Variants in KANSL1 observed in about 807,000 individuals in gnomAD.
KANSL1 encodes the protein KAT8 regulatory NSL complex subunit 1, also known as MLL1/MLL complex subunit KANSL1.
A neutral mutation model predicts 103.6 loss-of-function variants in KANSL1; 22 were observed. That is an observed-to-expected ratio of 0.21 (90% CI 0.15 to 0.30). The LOEUF is 0.30. Among genes scored for constraint, KANSL1 ranks in the 10% least tolerant of loss-of-function variants. The probability of loss-of-function intolerance (pLI) is 1.00; values close to 1 mark genes in which losing one functional copy is unlikely to be tolerated. For missense variants in KANSL1, 1,337 were observed against 1,399.8 expected, an observed-to-expected ratio of 0.96 and a Z score of 0.72; for synonymous variants, 600 against 527.6, an observed-to-expected ratio of 1.14 and a Z score of -1.88.
chr17:46,198,437 A>T (rs1242943128), upstream of KANSL1, among the ~76,000 whole-genome samples: 9 of 150,802 alleles, frequency 6.0e-5, no homozygotes, highest in Admixed American at 6.6e-5. Context: ...AAAAAAAAAA[A>T]AAAAAAAAAA....
intron 2 of KANSL1, among the ~76,000 whole-genome samples, chr17:46,158,594 G>A (rs1264279180): frequency 6.6e-6 from 1 of 152,200 alleles, no homozygotes; most frequent in Non-Finnish European, 1.5e-5. Flanking sequence ...AGGCTGGAGT[G>A]CAGTGGAGCA....
chr17:46,186,323 C>G (rs1249448114), intron 1 of KANSL1, among the ~76,000 whole-genome samples: 2 of 150,722 alleles, frequency 1.3e-5, no homozygotes, highest in Non-Finnish European at 2.9e-5. Flanking sequence ...GCAGAGCTTG[C>G]AGTGAGCTGA....
chr17:46,161,503 G>A (rs1200540728), intron 2 of KANSL1, among the ~76,000 whole-genome samples: 3 of 151,892 alleles, frequency 2.0e-5, no homozygotes, highest in Admixed American at 6.6e-5. Context: ...TGGGTTCTCA[G>A]GTTTAAGACT....
At chr17:46,142,615 A>G (rs1676518262) in intron 2 of KANSL1, among the ~76,000 whole-genome samples, 1 of 115,720 alleles carries the variant, frequency 8.6e-6, no homozygotes, top group Admixed American at 9.3e-5. Flanking sequence ...GACTGTATCA[A>G]AACAAAACAA....
intron 4 of KANSL1, among the ~76,000 whole-genome samples, chr17:46,078,022 T>G (rs569715486): frequency 6.6e-6 from 1 of 152,224 alleles, no homozygotes; most frequent in Non-Finnish European, 1.5e-5. Context: ...AGACAATGTA[T>G]GCAATACATT....
chr17:46,142,140 T>C (rs1347120404), intron 2 of KANSL1, among the ~76,000 whole-genome samples: 1 of 152,246 alleles, frequency 6.6e-6, no homozygotes, highest in Non-Finnish European at 1.5e-5. Context: ...CAAGGAAATT[T>C]AAAATTCTCC....
At chr17:46,069,014 C>T (rs1352888004) in intron 4 of KANSL1, among the ~76,000 whole-genome samples, 1 of 152,180 alleles carries the variant, frequency 6.6e-6, no homozygotes, top group Non-Finnish European at 1.5e-5. Context: ...TAGCCTCCAC[C>T]TCCCTGGTTC....
intron 6 of KANSL1, among the ~76,000 whole-genome samples, chr17:46,062,515 C>T (rs576842834): frequency 4.6e-5 from 7 of 151,430 alleles, no homozygotes; most frequent in Admixed American, 6.6e-5. Flanking sequence ...CGTGCCACCA[C>T]GCCCAGCTAA....
chr17:46,148,813 T>C (rs985671627), intron 2 of KANSL1, among the ~76,000 whole-genome samples: 3 of 151,486 alleles, frequency 2.0e-5, no homozygotes, highest in Middle Eastern at 3.2e-3. Context: ...CTGGAACGCC[T>C]GATCTCAAGT....
intron 2 of KANSL1, among the ~76,000 whole-genome samples, chr17:46,156,069 G>A (rs1188398455): frequency 3.9e-5 from 6 of 152,208 alleles, no homozygotes; most frequent in South Asian, 2.1e-4. Flanking sequence ...GCAGATAGGC[G>A]GGCACAGTGG....
chr17:46,119,117 G>A (rs994589737), intron 2 of KANSL1, among the ~76,000 whole-genome samples: 8 of 152,132 alleles, frequency 5.3e-5, no homozygotes, highest in Admixed American at 2.6e-4. Context: ...CCTTTGTTCC[G>A]GGCATTGTGC....
At chr17:46,148,674 C>A (rs1023505097) in intron 2 of KANSL1, among the ~76,000 whole-genome samples, 6 of 151,802 alleles carry the variant, frequency 4.0e-5, no homozygotes, top group African/African-American at 7.3e-5. Flanking sequence ...GCAACCTCTA[C>A]CTCCTGGGTT....
intron 4 of KANSL1, among the ~76,000 whole-genome samples, chr17:46,070,556 T>C (rs571191361): frequency 1.3e-5 from 2 of 152,066 alleles, no homozygotes; most frequent in Non-Finnish European, 2.9e-5. Flanking sequence ...ACAAGAAAAA[T>C]CAAAAGAATT....
intron 13 of KANSL1, 32 bp from the exon 14 acceptor site, chr17:46,032,331 T>A: frequency 6.7e-7 from 1 of 1,490,758 alleles, no homozygotes; most frequent in Non-Finnish European, 8.9e-7. Context: ...TCTGAGTGCC[T>A]GGGAAATGTT....
At chr17:46,125,144 C>G (rs1481933137) in intron 2 of KANSL1, among the ~76,000 whole-genome samples, 1 of 147,600 alleles carries the variant, frequency 6.8e-6, no homozygotes, top group Non-Finnish European at 1.5e-5. Flanking sequence ...CACAGCTTCC[C>G]TAACCTTCAG....
intron 3 of KANSL1, among the ~76,000 whole-genome samples, chr17:46,087,392 GAA>G (rs1199270670): frequency 1.3e-5 from 2 of 152,140 alleles, no homozygotes; most frequent in African/African-American, 2.4e-5. Context: ...CAAAAAGGAT[GAA>G]AACAGCTAAA....
intron 2 of KANSL1, among the ~76,000 whole-genome samples, chr17:46,119,294 C>A (rs942890537): frequency 2.0e-5 from 3 of 151,096 alleles, no homozygotes; most frequent in African/African-American, 7.3e-5. Context: ...TACGGGTAAT[C>A]TGGCTCCAGA....
At chr17:46,047,614 T>G (rs2077557393) in intron 7 of KANSL1, among the ~76,000 whole-genome samples, 1 of 151,682 alleles carries the variant, frequency 6.6e-6, no homozygotes, top group African/African-American at 2.4e-5. Context: ...CAAGACCCCA[T>G]CTTTGTAGGG....
chr17:46,056,529 A>T (rs2077936600), intron 6 of KANSL1, among the ~76,000 whole-genome samples: 3 of 152,186 alleles, frequency 2.0e-5, no homozygotes, highest in Non-Finnish European at 4.4e-5. Flanking sequence ...AATAACTCAC[A>T]ACAGTATCTG....
Sources: allele counts gnomAD v4.1 joint callset (sites outside exome capture counted in the v4.1 genomes callset), GRCh38; gene constraint gnomAD v4.1.1; transcripts MANE v1.5; gene names NCBI Gene and HGNC (gene_info 2026-07-23, HGNC 2026-07-21).